DHRS7B: variants seen among roughly 807,000 people sequenced by gnomAD.
The protein encoded by DHRS7B is peroxisomal reductase activating PPAR-gamma.
DHRS7B carries 24 observed loss-of-function variants against 26.4 expected under a neutral mutation model. The ratio of observed to expected loss-of-function variants is 0.91; its 90% CI spans 0.66 to 1.28. The LOEUF (loss-of-function observed/expected upper bound fraction) is 1.28. Ranked by LOEUF, DHRS7B falls within the 50% of genes most tolerant of loss-of-function variation. The pLI is 0.00. For synonymous variants in DHRS7B, 142 were observed against 166.4 expected (o/e 0.85, Z 1.13); for missense variants, 368 against 419.4 (o/e 0.88, Z 1.07).
chr17:21,185,791 G>A (rs1333944822), intron 5 of DHRS7B, among the ~76,000 whole-genome samples: 1 of 151,880 alleles, frequency 6.6e-6, no homozygotes, highest in Non-Finnish European at 1.5e-5. Flanking sequence ...GGGTTCAAGC[G>A]ATTCTTCTGC....
At chr17:21,130,705 T>TA (rs562202516) in intron 1 of DHRS7B, among the ~76,000 whole-genome samples, 3 of 149,848 alleles carry the variant, frequency 2.0e-5, no homozygotes, top group African/African-American at 4.9e-5. Flanking sequence ...GCATGACAAC[T>TA]AAAAAAAAAA....
intron 1 of DHRS7B, among the ~76,000 whole-genome samples, chr17:21,147,615 C>T (rs1441306178): frequency 1.3e-5 from 2 of 152,182 alleles, no homozygotes; most frequent in African/African-American, 4.8e-5. Context: ...AATTTCCCTG[C>T]AAGTCACCAT....
intron 1 of DHRS7B, among the ~76,000 whole-genome samples, chr17:21,160,178 A>G (rs1305565885): frequency 6.6e-6 from 1 of 151,944 alleles, no homozygotes; most frequent in African/African-American, 2.4e-5. Context: ...ACATGGTGAA[A>G]CCCCGTCTCT....
intron 1 of DHRS7B, among the ~76,000 whole-genome samples, chr17:21,146,039 C>A (rs62059058): frequency 0.016 from 2,399 of 152,268 alleles, 41 homozygotes; most frequent in South Asian, 0.069. Flanking sequence ...TTACCTAACA[C>A]CCCCTCAGAT....
At chr17:21,168,238 A>G (rs977338259) in intron 1 of DHRS7B, among the ~76,000 whole-genome samples, 2 of 152,366 alleles carry the variant, frequency 1.3e-5, no homozygotes, top group Non-Finnish European at 2.9e-5. Flanking sequence ...GATTATCAAT[A>G]TGAACAACTT....
At position 21,183,584 on chromosome 17, in the gene DHRS7B, A is replaced by G; in HGVS notation, c.310-10A>G. 1.2e-6 allele frequency: 2 copies of G among 1,612,152 alleles called. No homozygotes were observed. Among genetic ancestry groups the G allele is most frequent in the Non-Finnish European group, 1.7e-6 (2 of 1,179,888 alleles). On this transcript the variant is annotated splice_polypyrimidine_tract_variant and intron_variant, in intron 3 of 6. Coordinates refer to ENST00000395511, the MANE Select transcript of DHRS7B (RefSeq NM_015510.5). ...CAGAAAGTGAATTTGTATCTGTTGTATTTGACCAGGTGCAGACACACAAGC... is the reference window on the plus strand; with the variant it reads ...CAGAAAGTGAATTTGTATCTGTTGTGTTTGACCAGGTGCAGACACACAAGC...
At chr17:21,180,085 T>C (rs1480572420) in intron 3 of DHRS7B, among the ~76,000 whole-genome samples, 2 of 150,290 alleles carry the variant, frequency 1.3e-5, no homozygotes, top group Admixed American at 6.6e-5. Flanking sequence ...TTTTTTTTTT[T>C]TTTTTTTGAG....
chr17:21,176,639 A>T (rs1471337138), intron 2 of DHRS7B, among the ~76,000 whole-genome samples: 1 of 151,974 alleles, frequency 6.6e-6, no homozygotes, highest in Non-Finnish European at 1.5e-5. Context: ...TACAAAAATG[A>T]CAATTGACAC....
At chr17:21,152,923 C>T (rs1973804302) in intron 1 of DHRS7B, among the ~76,000 whole-genome samples, 1 of 148,614 alleles carries the variant, frequency 6.7e-6, no homozygotes, top group African/African-American at 2.4e-5. Flanking sequence ...CCCCTTCCTC[C>T]AGCACCTTAC....
At chr17:21,164,030 C>CGTTTTTTTTTTTTTTTT (rs1974054987) in intron 1 of DHRS7B, among the ~76,000 whole-genome samples, 1 of 96,976 alleles carries the variant, frequency 1.0e-5, no homozygotes, top group African/African-American at 5.1e-5. Flanking sequence ...AATTGTTGTG[C>CGTTTTTTTTTTTTTTTT]TTTTTTTTTT....
intron 3 of DHRS7B, among the ~76,000 whole-genome samples, chr17:21,181,868 A>G (rs1974521053): frequency 2.3e-5 from 1 of 44,120 alleles, no homozygotes; most frequent in Non-Finnish European, 5.6e-5. Flanking sequence ...GGAATTTCCT[A>G]TATATAGAAT....
intron 1 of DHRS7B, among the ~76,000 whole-genome samples, chr17:21,160,288 C>T (rs368969488): frequency 2.2e-4 from 34 of 152,094 alleles, no homozygotes; most frequent in African/African-American, 7.5e-4. Flanking sequence ...ACCCAGGAGG[C>T]GGAGGTTGCA....
At chr17:21,168,410 C>G (rs1974160584) in intron 1 of DHRS7B, among the ~76,000 whole-genome samples, 1 of 152,030 alleles carries the variant, frequency 6.6e-6, no homozygotes, top group Non-Finnish European at 1.5e-5. Flanking sequence ...ACTTTGTCAC[C>G]CAGGCTGGAG....
chr17:21,171,948 G>A (rs1393313176), intron 1 of DHRS7B, 70 bp from the exon 2 acceptor site: 14 of 1,580,038 alleles, frequency 8.9e-6, no homozygotes, highest in Non-Finnish European at 1.1e-5. Context: ...TCAGATGAGA[G>A]GAAGAGCCTA....
intron 6 of DHRS7B, 108 bp downstream of exon 6, chr17:21,188,971 C>CTT: frequency 6.8e-7 from 1 of 1,476,326 alleles, no homozygotes; most frequent in Non-Finnish European, 9.2e-7. Flanking sequence ...TGGAAGAGAA[C>CTT]TTTTAAAGTG....
At chr17:21,170,903 T>A (rs779443802) in intron 1 of DHRS7B, among the ~76,000 whole-genome samples, 9 of 152,178 alleles carry the variant, frequency 5.9e-5, no homozygotes, top group South Asian at 4.1e-4. Context: ...ATTAAGTAGG[T>A]GGCTGAGGGT....
chr17:21,154,396 G>GA (rs977641639), intron 1 of DHRS7B, among the ~76,000 whole-genome samples: 7 of 151,370 alleles, frequency 4.6e-5, no homozygotes, highest in Non-Finnish European at 5.9e-5. Flanking sequence ...GTTGAGAGAG[G>GA]AAAAAAAACC....
chr17:21,175,929 A>C (rs1974366948), intron 2 of DHRS7B, among the ~76,000 whole-genome samples: 2 of 104,182 alleles, frequency 1.9e-5, no homozygotes, highest in African/African-American at 5.4e-5. Flanking sequence ...CCTGTATCAA[A>C]AAAAAAAAAA....
intron 5 of DHRS7B, among the ~76,000 whole-genome samples, chr17:21,186,923 C>T (rs1421391932): frequency 6.6e-6 from 1 of 151,952 alleles, no homozygotes; most frequent in Non-Finnish European, 1.5e-5. Flanking sequence ...CCATGAAGGC[C>T]CACTGATGGG....
Sources: allele counts gnomAD v4.1 joint callset (sites outside exome capture counted in the v4.1 genomes callset), GRCh38; gene constraint gnomAD v4.1.1; transcripts MANE v1.5; gene names NCBI Gene and HGNC (gene_info 2026-07-23, HGNC 2026-07-21).